PPFIBP2: variants seen among roughly 807,000 people sequenced by gnomAD.
PPFIBP2 encodes the protein liprin-beta-2.
In PPFIBP2, 118 loss-of-function variants were observed where a neutral mutation model predicts 118.3. That is an observed-to-expected ratio of 1.00 (90% confidence interval 0.86 to 1.16). The LOEUF (loss-of-function observed/expected upper bound fraction) is 1.16, where lower values mean the gene tolerates loss of function less well. Ranked by LOEUF, PPFIBP2 falls within the 50% of genes most tolerant of loss-of-function variation. The pLI, the probability that PPFIBP2 is intolerant of heterozygous loss-of-function variation, is 0.00. For missense variants in PPFIBP2, 1,195 were observed against 1,073.1 expected, an observed-to-expected ratio of 1.11 and a Z score of -1.59; for synonymous variants, 414 against 397.4, an observed-to-expected ratio of 1.04 and a Z score of -0.50.
At chr11:7,547,148 G>A (rs1349729618) in intron 1 of PPFIBP2, among the ~76,000 whole-genome samples, 1 of 152,212 alleles carries the variant, frequency 6.6e-6, no homozygotes, top group East Asian at 1.9e-4. Flanking sequence ...TGCTTTGAAG[G>A]GGCTGCTTTA....
intron 16 of PPFIBP2, chr11:7,641,825 C>T: frequency 1.7e-6 from 1 of 595,790 alleles, no homozygotes; most frequent in Non-Finnish European, 2.9e-6. Flanking sequence ...TATCCAGTTG[C>T]CTTTCATGTC....
Position 7,653,731 on chromosome 11 carries a change from T to C in PPFIBP2, c.*513T>C, listed in dbSNP as rs1854413873. 4 of 1,227,698 alleles carry C rather than the reference T, an allele frequency of 3.3e-6. No individual in the cohort carries two copies. The highest frequency in any genetic ancestry group is 3.1e-6 in the Non-Finnish European group (3 of 961,594). 76.1% of individuals were successfully genotyped at this position (1,227,698 alleles called of 1,614,324 possible). A position where few individuals can be genotyped will look rare whatever the true frequency, so the allele number is the denominator to read the frequency against. Reference sequence around the variant, plus strand: ...TTCAGAGGTGGTCTCTTCTTTCTTGTAATAAAAGCAATATTTATGCGGAAA... The same window carrying C: ...TTCAGAGGTGGTCTCTTCTTTCTTGCAATAAAAGCAATATTTATGCGGAAA... On this transcript the variant is annotated 3_prime_UTR_variant, in exon 24 of 24. Coordinates refer to ENST00000299492, the MANE Select transcript of PPFIBP2 (RefSeq NM_003621.5).
In PPFIBP2 at chr11:7,536,322, G is replaced by A. The variant is rs531207487; in HGVS notation, c.-36-13118G>A. Among the ~76,000 whole-genome samples, 16 of 152,318 alleles carry A rather than the reference G, an allele frequency of 1.1e-4. No individual in the cohort carries two copies. The South Asian group carries it at 3.3e-3, about 32-fold the overall frequency. ...GATGAGTGACGTCCCACCACTGGGG[G>A]TGTCAGAGAGCACGGGAGGTAGGCA... On this transcript the variant is annotated intron_variant, in intron 1 of 23. Coordinates refer to ENST00000299492, the MANE Select transcript of PPFIBP2 (RefSeq NM_003621.5).
At position 7,534,152 on chromosome 11, in the gene PPFIBP2, C is replaced by G. The variant is rs775526579; in HGVS notation, c.-36-15288C>G. Among the ~76,000 whole-genome samples, 90 of 152,170 alleles carry G rather than the reference C, an allele frequency of 5.9e-4. 1 individual carries two copies. Among genetic ancestry groups the G allele is most frequent in the Non-Finnish European group, 2.1e-4 (14 of 68,040 alleles). On this transcript the variant is annotated intron_variant, in intron 1 of 23. Transcript: ENST00000299492. ...GTAGAAAGAGCACCAAATGAGTCAT[C>G]AGGAACTTAGGTTCAAATCTCAGTT...
At chr11:7,586,772 C>A (rs909528781) in intron 3 of PPFIBP2, among the ~76,000 whole-genome samples, 1 of 152,164 alleles carries the variant, frequency 6.6e-6, no homozygotes, top group Non-Finnish European at 1.5e-5. Context: ...AAGAAAGTCC[C>A]CAGGGATCCC....
intron 1 of PPFIBP2, 127 bp from the exon 2 acceptor site, chr11:7,549,313 C>T: frequency 3.7e-6 from 3 of 821,786 alleles, no homozygotes; most frequent in Middle Eastern, 3.4e-4. Context: ...GCAGAAACTA[C>T]ATGTCGGCTA....
intron 17 of PPFIBP2, among the ~76,000 whole-genome samples, chr11:7,644,814 T>C (rs1376695491): frequency 2.7e-5 from 4 of 150,724 alleles, no homozygotes; most frequent in African/African-American, 4.9e-5. Flanking sequence ...GATCACGAGG[T>C]CAGGAGATCG....
At chr11:7,625,625 G>T in intron 7 of PPFIBP2, 152 bp from the exon 8 acceptor site, 1 of 630,390 alleles carries the variant, frequency 1.6e-6, no homozygotes. Flanking sequence ...TTCCACCTGT[G>T]GAGAGGGCAG....
At chr11:7,517,759 T>C (rs1442747908) in intron 1 of PPFIBP2, among the ~76,000 whole-genome samples, 1 of 152,176 alleles carries the variant, frequency 6.6e-6, no homozygotes, top group African/African-American at 2.4e-5. Flanking sequence ...CCATCAGGGT[T>C]ACCCTTGGCT....
chr11:7,586,169 C>G (rs1858137620), intron 3 of PPFIBP2, among the ~76,000 whole-genome samples: 1 of 152,086 alleles, frequency 6.6e-6, no homozygotes. Context: ...TTTTTCATTT[C>G]AAGCCTGAAA....
intron 23 of PPFIBP2, among the ~76,000 whole-genome samples, chr11:7,652,178 C>A (rs542699385): frequency 1.3e-5 from 2 of 152,252 alleles, no homozygotes; most frequent in African/African-American, 4.8e-5. Flanking sequence ...GGCTTTCCTT[C>A]GGTCAGGCCT....
chr11:7,585,390 A>G (rs1263372822), intron 3 of PPFIBP2, among the ~76,000 whole-genome samples: 7 of 152,148 alleles, frequency 4.6e-5, no homozygotes, highest in African/African-American at 7.2e-5. Flanking sequence ...TTGTATACCA[A>G]TGACACCCCT....
rs141371337 is a variant in PPFIBP2 at position 7,550,494 on chromosome 11, G to T, written c.64+955G>T. Reference sequence around the variant, plus strand: ...GCCTGAAGTGGGAGAGTATGCCTGTGTCTTGCAGCTTCTTCAGGTTATTGT... The same window carrying T: ...GCCTGAAGTGGGAGAGTATGCCTGTTTCTTGCAGCTTCTTCAGGTTATTGT... On this transcript the variant is annotated intron_variant, in intron 2 of 23. Transcript: ENST00000299492. Among the ~76,000 whole-genome samples the T allele has an allele frequency of 1.6e-3, 250 of 152,296 alleles. 2 individuals are homozygous for T. The highest frequency in any genetic ancestry group is 5.7e-3 in the African/African-American group (236 of 41,556).
At chr11:7,646,255 T>C (rs1354949394) in intron 17 of PPFIBP2, among the ~76,000 whole-genome samples, 2 of 152,348 alleles carry the variant, frequency 1.3e-5, no homozygotes, top group African/African-American at 2.4e-5. Context: ...TAAATGAACT[T>C]TGTCAATTCA....
At chr11:7,541,302 G>C (rs1851749649) in intron 1 of PPFIBP2, among the ~76,000 whole-genome samples, 1 of 152,196 alleles carries the variant, frequency 6.6e-6, no homozygotes, top group South Asian at 2.1e-4. Flanking sequence ...AGAGTGAATG[G>C]GGAGGGCTGT....
At chr11:7,588,816 A>G (rs77565028) in intron 3 of PPFIBP2, among the ~76,000 whole-genome samples, 1,590 of 152,348 alleles carry the variant, frequency 0.01, 11 homozygotes, top group Non-Finnish European at 0.018. Flanking sequence ...TCTTAAAAAT[A>G]TCCATTCGAG....
rs1346159547 is a variant in PPFIBP2 at position 7,648,846 on chromosome 11, C to G, written c.1844C>G (p.Ala615Gly). ...CTCCACAGGAAGAAGCTTGTTTTAG[C>G]AGTGAAAGCCATCAACACCAAACAG... ...HPLHRKKLVLAVKAINTKQEE... is the reference protein window; with the variant it reads ...HPLHRKKLVLGVKAINTKQEE... Residue 615 changes from alanine to glycine, a missense_variant, in exon 19 of 24, where the codon GCA becomes GGA. Ala to Gly is a moderately conservative substitution (Grantham distance 60). Coordinates refer to ENST00000299492, the MANE Select transcript of PPFIBP2 (RefSeq NM_003621.5). 6.2e-7 allele frequency: 1 copy of G among 1,614,130 alleles called. No individual in the cohort carries two copies. Among genetic ancestry groups the G allele is most frequent in the African/African-American group, 1.3e-5 (1 of 75,036 alleles).
chr11:7,639,711 C>T (rs763293727), intron 14 of PPFIBP2, 21 bp from the exon 15 acceptor site: 1 of 1,613,824 alleles, frequency 6.2e-7, no homozygotes, highest in South Asian at 1.1e-5. Context: ...GTATCTCTCT[C>T]TTTCTCTCAC....
intron 2 of PPFIBP2, 90 bp from the exon 3 acceptor site, chr11:7,565,463 C>A: frequency 1.5e-6 from 2 of 1,342,708 alleles, no homozygotes; most frequent in Non-Finnish European, 2.1e-6. Flanking sequence ...CTGTCCCTTT[C>A]ACCGTTTCTT....
Sources: gnomAD v4.1 joint callset for allele counts (sites outside exome capture counted in the v4.1 genomes callset) on GRCh38, gnomAD v4.1.1 for gene constraint, MANE v1.5 for transcripts, NCBI Gene and HGNC (gene_info 2026-07-23, HGNC 2026-07-21) for gene names.